The following SMC2 variants were observed in gnomAD, a reference collection of about 807,000 sequenced individuals.
SMC2 encodes structural maintenance of chromosomes protein 2.
Under a neutral mutation model 142.6 loss-of-function variants are expected in SMC2, and 41 were observed. The ratio of observed to expected loss-of-function variants is 0.29; its 90% CI spans 0.22 to 0.37. The LOEUF is 0.37. Among genes scored for constraint, SMC2 ranks in the 10% least tolerant of loss-of-function variants. The pLI is 1.00. For missense variants in SMC2, 1,265 were observed against 1,373.7 expected (o/e 0.92, Z 1.25); for synonymous variants, 463 against 457.5 (o/e 1.01, Z -0.15).
In SMC2 at chr9:104,140,202, C is replaced by T. The variant is rs984427951; in HGVS notation, c.*887C>T. 6.6e-6 allele frequency: 1 copy of T among 151,978 alleles called. No individual in the cohort carries two copies. 9.4% of individuals were successfully genotyped at this position (151,978 alleles called of 1,614,324 possible). On this transcript the variant is annotated 3_prime_UTR_variant, in exon 25 of 25. Coordinates refer to ENST00000374793, the MANE Select transcript of SMC2 (RefSeq NM_006444.3). ...AAACCAAATTTATTTTTCCCTGAGT[C>T]TGATATATATATGTATAAATATAAA... is the stretch of plus-strand genomic sequence containing the variant.
intron 4 of SMC2, 144 bp from the exon 5 acceptor site, chr9:104,099,500 C>A: frequency 1.8e-6 from 1 of 552,638 alleles, no homozygotes; most frequent in Non-Finnish European, 3.2e-6. Flanking sequence ...ATTCTAGAAT[C>A]ATAGAAGAAT....
chr9:104,124,960 C>G lies in SMC2; in HGVS notation c.2306C>G (p.Ala769Gly). Reference sequence around the variant, plus strand: ...AACACTAAAGAAATCCAAAGAAAAGCAGAAGAAAAATATGAAGTATTGGAA... The same window carrying G: ...AACACTAAAGAAATCCAAAGAAAAGGAGAAGAAAAATATGAAGTATTGGAA... Reference protein sequence around the residue: ...LKNTKEIQRKAEEKYEVLENK... With the variant: ...LKNTKEIQRKGEEKYEVLENK... The change falls in exon 18 of 25, where the codon GCA becomes GGA. Residue 769 changes from alanine (A) to glycine (G), a missense_variant. By Grantham distance (60) the Ala-to-Gly change is moderately conservative. Transcript: ENST00000374793. The G allele has an allele frequency of 6.3e-7, 1 of 1,595,450 alleles. No homozygotes were observed. Among genetic ancestry groups the G allele is most frequent in the African/African-American group, 1.4e-5 (1 of 73,272 alleles).
chr9:104,122,431 C>T (rs943354919), intron 16 of SMC2, among the ~76,000 whole-genome samples: 2 of 150,856 alleles, frequency 1.3e-5, no homozygotes, highest in African/African-American at 4.9e-5. Context: ...TATCTTCAGG[C>T]AAGAATACTC....
rs147960477 is a variant in SMC2 at position 104,125,007 on chromosome 9, G to A, written c.2353G>A (p.Ala785Thr). 2.6e-4 allele frequency: 411 copies of A among 1,607,800 alleles called. 1 individual carries two copies. Among genetic ancestry groups the A allele is most frequent in the South Asian group, 1.2e-3 (107 of 89,446 alleles). ...VLENKMKNAE[A>T]ERERELKDAQ... is the part of the protein sequence containing the mutation. ...GGAAAATAAAATGAAAAATGCAGAA[G>A]CTGAAAGAGAGCGAGAACTGAAAGA... The change falls in exon 18 of 25, where the codon GCT becomes ACT. Residue 785 changes from alanine (A) to threonine (T), a missense_variant. By Grantham distance (58) the Ala-to-Thr change is moderately conservative (BLOSUM62 0). This residue lies in a region of SMC2 where 898 missense variants were observed against 904.2 expected (regional missense o/e 0.99). Coordinates refer to ENST00000374793, the MANE Select transcript of SMC2 (RefSeq NM_006444.3).
Position 104,095,460 on chromosome 9 carries a change from C to T in SMC2, c.76C>T (p.Leu26Phe). Residue 26 changes from leucine (L) to phenylalanine (F), a missense_variant, in exon 2 of 25, where the codon CTC becomes TTC. Transcript: ENST00000374793. ...GACCGAAGTCAATGGTTTTGACCCC[C>T]TCTTCAATGCTATCACTGGCTTAAA... is the stretch of plus-strand genomic sequence containing the variant. ...QRTEVNGFDP[L>F]FNAITGLNGS... The T allele has an allele frequency of 6.2e-7, 1 of 1,613,796 alleles. No individual in the cohort carries two copies. The highest frequency in any genetic ancestry group is 8.5e-7 in the Non-Finnish European group (1 of 1,179,730).
At chr9:104,122,421 T>C (rs987534552) in intron 16 of SMC2, among the ~76,000 whole-genome samples, 1 of 152,120 alleles carries the variant, frequency 6.6e-6, no homozygotes, top group African/African-American at 2.4e-5. Context: ...CTGTCAAGTA[T>C]ATCTTCAGGC....
chr9:104,120,145 TA>T lies in SMC2; in HGVS notation c.2120del (p.Asn707ThrfsTer9). The T allele has an allele frequency of 6.2e-7, 1 of 1,610,524 alleles. No individual in the cohort carries two copies. Among genetic ancestry groups the T allele is most frequent in the Non-Finnish European group, 8.5e-7 (1 of 1,178,902 alleles). ...RALEEELAGL[K>X]NTAEKYRQLK... ...CTCTAGAAGAGGAATTAGCAGGTCT[TA>T]AAAACACTGCTGAAAAGTAAGAACT... On this transcript the variant is annotated frameshift_variant, in exon 16 of 25. Transcript: ENST00000374793. LOFTEE classifies it high-confidence loss of function.
At chr9:104,092,371 T>G (rs1033937442), upstream of SMC2, 8 of 152,238 alleles carry the variant, frequency 5.3e-5, no homozygotes, top group Admixed American at 2.6e-4. Flanking sequence ...GTTGTTAAAG[T>G]GCAAAGACTA....
chr9:104,097,703 G>T (rs1830615052), intron 3 of SMC2, among the ~76,000 whole-genome samples: 1 of 152,054 alleles, frequency 6.6e-6, no homozygotes, highest in Admixed American at 6.6e-5. Flanking sequence ...TGTCAGAGAA[G>T]GGTCTTCAAA....
chr9:104,123,257 A>G (rs1281055112), intron 17 of SMC2, 25 bp downstream of exon 17: 1 of 1,605,274 alleles, frequency 6.2e-7, no homozygotes, highest in South Asian at 1.1e-5. Flanking sequence ...GTCCATGCTT[A>G]ATCTCTGGTT....
chr9:104,111,624 T>A lies in SMC2; in HGVS notation c.1064T>A (p.Ile355Lys). ...LAAKEKEVKKITDGLHALQEA... is the reference protein window; with the variant it reads ...LAAKEKEVKKKTDGLHALQEA... ...GCAAAGGAAAAAGAGGTTAAAAAGA[T>A]AACAGATGGACTGCATGCCCTTCAA... is the stretch of plus-strand genomic sequence containing the variant. Residue 355 changes from isoleucine (I) to lysine (K), a missense_variant, in exon 10 of 25, where the codon ATA (isoleucine) becomes AAA (lysine). Physicochemically the swap from Ile to Lys is moderately radical, Grantham distance 102 (BLOSUM62 -3). This residue lies in a region of SMC2 where 898 missense variants were observed against 904.2 expected (regional missense o/e 0.99). Transcript: ENST00000374793. 6.2e-7 allele frequency: 1 copy of A among 1,613,952 alleles called. No homozygotes were observed. The highest frequency in any genetic ancestry group is 1.3e-5 in the African/African-American group (1 of 75,026).
At chr9:104,115,956 G>GT (rs896182245) in intron 13 of SMC2, among the ~76,000 whole-genome samples, 4 of 151,898 alleles carry the variant, frequency 2.6e-5, no homozygotes, top group Admixed American at 2.0e-4. Flanking sequence ...AGGTCATACA[G>GT]TTTTTTATTT....
chr9:104,098,825 A>G (rs910509154), intron 4 of SMC2, among the ~76,000 whole-genome samples: 3 of 132,512 alleles, frequency 2.3e-5, no homozygotes, highest in Non-Finnish European at 4.8e-5. Context: ...AAAGAACAAT[A>G]CATGTTAACT....
rs368824242 is a variant in SMC2, at chr9:104,134,603, T to A, written c.3269+28T>A. 553 of 522,026 alleles carry A rather than the reference T, an allele frequency of 1.1e-3. 3 individuals carry two copies. Among genetic ancestry groups the A allele is most frequent in the South Asian group, 1.8e-3 (56 of 31,434 alleles). 32.3% of individuals were successfully genotyped at this position (522,026 alleles called of 1,614,324 possible). Reference sequence around the variant, plus strand: ...GAGGAATCACTTTGCTATATTATAATTTTCATTCCTCTTTATTATAATTCA... The same window carrying A: ...GAGGAATCACTTTGCTATATTATAAATTTCATTCCTCTTTATTATAATTCA... On this transcript the variant is annotated intron_variant, in intron 23 of 24. Coordinates refer to ENST00000374793, the MANE Select transcript of SMC2 (RefSeq NM_006444.3).
chr9:104,125,409 CA>C (rs1012603056), intron 18 of SMC2, among the ~76,000 whole-genome samples: 9 of 148,418 alleles, frequency 6.1e-5, no homozygotes, highest in East Asian at 2.0e-4. Flanking sequence ...TTCCAAAATC[CA>C]AAAAAAAAAT....
intron 10 of SMC2, 70 bp from the exon 11 acceptor site, chr9:104,113,246 C>G: frequency 2.5e-6 from 3 of 1,186,102 alleles, no homozygotes; most frequent in Non-Finnish European, 3.5e-6. Context: ...CAATCTGAAT[C>G]TTCGGCCATT....
At chr9:104,137,646 G>A (rs1324865930) in intron 23 of SMC2, among the ~76,000 whole-genome samples, 1 of 133,552 alleles carries the variant, frequency 7.5e-6, no homozygotes, top group Non-Finnish European at 1.6e-5. Context: ...CATAGTTATT[G>A]TCTTAAATAA....
chr9:104,097,777 T>G (rs1298065507), intron 3 of SMC2, among the ~76,000 whole-genome samples: 4 of 152,224 alleles, frequency 2.6e-5, no homozygotes, highest in African/African-American at 9.6e-5. Context: ...CTAACATTTA[T>G]TCAATATTTA....
At chr9:104,130,633 A>T (rs895623629) in intron 21 of SMC2, among the ~76,000 whole-genome samples, 1 of 152,154 alleles carries the variant, frequency 6.6e-6, no homozygotes, top group African/African-American at 2.4e-5. Flanking sequence ...AAGAGTCTAT[A>T]TTATATTAGA....
Sources: allele counts gnomAD v4.1 joint callset (sites outside exome capture counted in the v4.1 genomes callset), GRCh38; gene constraint gnomAD v4.1.1; regional missense constraint gnomAD v4.1.1; transcripts MANE v1.5; gene names NCBI Gene and HGNC (gene_info 2026-07-23, HGNC 2026-07-21).